Variants in RANBP2 observed in about 807,000 individuals in gnomAD.
RANBP2 encodes E3 SUMO-protein ligase RanBP2.
RANBP2 carries 57 observed loss-of-function variants against 303.6 expected under a neutral mutation model. The observed-to-expected ratio is 0.19, with a 90% confidence interval of 0.15 to 0.23. The LOEUF is 0.23. Ranked by LOEUF, RANBP2 falls within the 10% of genes least tolerant of loss-of-function variation. The pLI is 1.00. For synonymous variants in RANBP2, 1,167 were observed against 1,301.5 expected (o/e 0.90, Z 2.23); for missense variants, 3,138 against 3,780.8 (o/e 0.83, Z 4.46).
At chr2:108,812,585 C>G in the RANBP2 span, 1 of 1,394,250 alleles carries the variant, frequency 7.2e-7, no homozygotes, top group Non-Finnish European at 1.0e-6. Context: ...AGTATGAAAC[C>G]AGTTGAAGGT....
chr2:109,544,333 A>T, the RANBP2 span: 1 of 1,586,624 alleles, frequency 6.3e-7, no homozygotes, highest in Non-Finnish European at 8.5e-7. Flanking sequence ...AGCTGGAAAG[A>T]AAAAGAACCT....
the RANBP2 span, among the ~76,000 whole-genome samples, chr2:109,302,257 T>TA: frequency 7.0e-6 from 1 of 143,610 alleles, no homozygotes; most frequent in Admixed American, 7.5e-5. Context: ...CAGTTTGACA[T>TA]ACCTGAATCC....
intron 9 of RANBP2, among the ~76,000 whole-genome samples, chr2:108,750,577 C>CTTTTT (rs1289737180): frequency 7.3e-6 from 1 of 137,694 alleles, no homozygotes; most frequent in Admixed American, 7.0e-5. Flanking sequence ...CTTTTCTTTT[C>CTTTTT]TTTTCTTTTC....
the RANBP2 span, among the ~76,000 whole-genome samples, chr2:109,735,360 GTAT>G: frequency 6.6e-6 from 1 of 152,146 alleles, no homozygotes; most frequent in African/African-American, 2.4e-5. Flanking sequence ...TGGCTGAATA[GTAT>G]TCTACTGTGG....
At chr2:108,747,406 A>G (rs1573754548) in intron 8 of RANBP2, among the ~76,000 whole-genome samples, 4 of 152,354 alleles carry the variant, frequency 2.6e-5, no homozygotes, top group South Asian at 2.1e-4. Context: ...AGCAGTTTTG[A>G]TATAAAATTG....
the RANBP2 span, among the ~76,000 whole-genome samples, chr2:109,350,528 G>A: frequency 2.6e-5 from 4 of 152,172 alleles, no homozygotes; most frequent in African/African-American, 9.7e-5. Flanking sequence ...CCCAAAGGGC[G>A]AGGTCGGGCA....
chr2:109,421,193 A>G, the RANBP2 span, among the ~76,000 whole-genome samples: 1 of 152,250 alleles, frequency 6.6e-6, no homozygotes, highest in Admixed American at 6.5e-5. Context: ...CTGCACCCAC[A>G]GTGGGATAGC....
At chr2:108,988,422 C>A in the RANBP2 span, among the ~76,000 whole-genome samples, 2 of 152,116 alleles carry the variant, frequency 1.3e-5, no homozygotes, top group Non-Finnish European at 2.9e-5. Context: ...AAATAGGTAC[C>A]CACTCCCCTC....
the RANBP2 span, among the ~76,000 whole-genome samples, chr2:108,872,899 T>C: frequency 6.6e-6 from 1 of 152,228 alleles, no homozygotes; most frequent in Admixed American, 6.5e-5. Context: ...TAACTTGTAA[T>C]AGCTTCAACA....
chr2:109,609,014 A>C, the RANBP2 span, among the ~76,000 whole-genome samples: 1 of 152,242 alleles, frequency 6.6e-6, no homozygotes, highest in Non-Finnish European at 1.5e-5. Context: ...ATTTAAGAGC[A>C]TCCTTCTCCT....
At chr2:109,608,840 T>G in the RANBP2 span, among the ~76,000 whole-genome samples, 1 of 152,184 alleles carries the variant, frequency 6.6e-6, no homozygotes, top group African/African-American at 2.4e-5. Flanking sequence ...CAGAAGAAAG[T>G]GTAAGAATTA....
At chr2:109,679,681 A>C in the RANBP2 span, among the ~76,000 whole-genome samples, 1 of 152,118 alleles carries the variant, frequency 6.6e-6, no homozygotes, top group Non-Finnish European at 1.5e-5. Flanking sequence ...CCTCAATCAG[A>C]CCATCCTTGC....
At chr2:109,121,320 G>A in the RANBP2 span, among the ~76,000 whole-genome samples, 3 of 151,978 alleles carry the variant, frequency 2.0e-5, no homozygotes, top group Admixed American at 2.0e-4. Context: ...ACCTAACCAG[G>A]GACCTGGGTA....
chr2:109,293,712 T>C, the RANBP2 span, among the ~76,000 whole-genome samples: 1 of 152,342 alleles, frequency 6.6e-6, no homozygotes, highest in African/African-American at 2.4e-5. Flanking sequence ...GCAATGTTCA[T>C]GTTGGCTGTC....
At chr2:109,491,198 A>G in the RANBP2 span, among the ~76,000 whole-genome samples, 1 of 152,176 alleles carries the variant, frequency 6.6e-6, no homozygotes, top group South Asian at 2.1e-4. Flanking sequence ...GAAATGTGTC[A>G]GGACCAAGTG....
chr2:108,767,447 AAG>A lies in RANBP2; in HGVS notation c.6916_6917del (p.Asp2306TrpfsTer5). The A allele has an allele frequency of 6.2e-7, 1 of 1,611,956 alleles. No individual in the cohort carries two copies. On this transcript the variant is annotated frameshift_variant, in exon 20 of 29. Coordinates refer to ENST00000283195, the MANE Select transcript of RANBP2 (RefSeq NM_006267.5). LOFTEE classifies it high-confidence loss of function. ...GAAGAATCTGATGTTACTCAAGAAG[AAG>A]AGAGAGATGGACAGTACTTTGAACC...
the RANBP2 span, chr2:109,615,738 A>T: frequency 2.5e-6 from 4 of 1,613,950 alleles, no homozygotes; most frequent in Non-Finnish European, 2.5e-6. Context: ...GAGGCTTTCA[A>T]AGGTGCTTCC....
the RANBP2 span, among the ~76,000 whole-genome samples, chr2:109,316,805 A>G: frequency 6.6e-6 from 1 of 152,154 alleles, no homozygotes; most frequent in Non-Finnish European, 1.5e-5. Context: ...CTATCTGGTT[A>G]TCCCTCCCTG....
chr2:108,877,951 A>T, the RANBP2 span, among the ~76,000 whole-genome samples: 1 of 152,232 alleles, frequency 6.6e-6, no homozygotes, highest in Admixed American at 6.5e-5. Flanking sequence ...GCTCTACAGG[A>T]GAAGATTTTT....
Sources: allele counts gnomAD v4.1 joint callset (sites outside exome capture counted in the v4.1 genomes callset), GRCh38; gene constraint gnomAD v4.1.1; transcripts MANE v1.5; gene names NCBI Gene and HGNC (gene_info 2026-07-23, HGNC 2026-07-21).